The following AUTS2 variants were observed in gnomAD, a reference collection of about 807,000 sequenced individuals.
AUTS2 encodes activator of transcription and developmental regulator AUTS2.
In AUTS2, 17 loss-of-function variants were observed where a neutral mutation model predicts 112.4. That is an observed-to-expected ratio of 0.15 (90% CI 0.10 to 0.23). The LOEUF (loss-of-function observed/expected upper bound fraction) is 0.23. Among genes scored for constraint, AUTS2 ranks in the 10% least tolerant of loss-of-function variants. AUTS2 has a pLI of 1.00. For missense variants in AUTS2, 1,510 were observed against 1,701.6 expected, an observed-to-expected ratio of 0.89 and a Z score of 1.98; for synonymous variants, 751 against 702.7, an observed-to-expected ratio of 1.07 and a Z score of -1.09.
intron 1 of AUTS2, among the ~76,000 whole-genome samples, chr7:69,636,861 G>A (rs1794566387): frequency 6.6e-6 from 1 of 152,018 alleles, no homozygotes; most frequent in South Asian, 2.1e-4. Flanking sequence ...CGCCTCCCAG[G>A]TTCACGCCAT....
At chr7:70,521,213 G>C (rs139581594) in intron 5 of AUTS2, among the ~76,000 whole-genome samples, 1 of 152,290 alleles carries the variant, frequency 6.6e-6, no homozygotes, top group Non-Finnish European at 1.5e-5. Context: ...GAGGGTTCTT[G>C]TACATCCCAT....
At chr7:69,931,276 G>A (rs377351602) in intron 2 of AUTS2, among the ~76,000 whole-genome samples, 5 of 152,172 alleles carry the variant, frequency 3.3e-5, no homozygotes, top group African/African-American at 1.2e-4. Context: ...CTGATGATTT[G>A]TACTGAGTAA....
intron 2 of AUTS2, among the ~76,000 whole-genome samples, chr7:69,983,048 C>T (rs1026021898): frequency 2.0e-5 from 3 of 152,250 alleles, no homozygotes; most frequent in African/African-American, 4.8e-5. Context: ...TTTACCCTAC[C>T]GGAAACTAAT....
intron 2 of AUTS2, among the ~76,000 whole-genome samples, chr7:69,944,681 G>A (rs1287134265): frequency 2.0e-5 from 3 of 152,058 alleles, no homozygotes; most frequent in Admixed American, 6.5e-5. Flanking sequence ...TCTTTTGGTC[G>A]CTTTTTAGAC....
chr7:70,361,133 C>T (rs1055085624), intron 4 of AUTS2, among the ~76,000 whole-genome samples: 1 of 152,090 alleles, frequency 6.6e-6, no homozygotes, highest in African/African-American at 2.4e-5. Context: ...ATCATGAGGT[C>T]AGGAGATCAA....
intron 6 of AUTS2, among the ~76,000 whole-genome samples, chr7:70,709,159 C>T (rs1328637932): frequency 2.0e-5 from 3 of 151,724 alleles, no homozygotes; most frequent in Non-Finnish European, 4.4e-5. Flanking sequence ...CCTCGTGATC[C>T]GCTCACCTCG....
At chr7:69,764,081 C>T (rs1186211559) in intron 1 of AUTS2, among the ~76,000 whole-genome samples, 1 of 152,198 alleles carries the variant, frequency 6.6e-6, no homozygotes, top group African/African-American at 2.4e-5. Flanking sequence ...ATACCAAGGC[C>T]ACTTGCCCAT....
chr7:70,695,133 G>C (rs1809007874), intron 5 of AUTS2: 1 of 152,482 alleles, frequency 6.6e-6, no homozygotes, highest in Admixed American at 6.5e-5. Context: ...TGTTGCGGCG[G>C]CCGGGCCGGC....
chr7:70,004,555 A>C (rs893828762), intron 2 of AUTS2, among the ~76,000 whole-genome samples: 5 of 150,746 alleles, frequency 3.3e-5, no homozygotes, highest in Non-Finnish European at 7.4e-5. Flanking sequence ...TGCAAAATTG[A>C]TTAGCAAAGG....
chr7:70,356,916 C>T (rs921384554), intron 4 of AUTS2, among the ~76,000 whole-genome samples: 16 of 152,096 alleles, frequency 1.1e-4, no homozygotes, highest in African/African-American at 3.4e-4. Context: ...TAGAATTTCA[C>T]GAAGGTTTTC....
chr7:69,759,035 G>A (rs1354229490), intron 1 of AUTS2, among the ~76,000 whole-genome samples: 1 of 152,156 alleles, frequency 6.6e-6, no homozygotes, highest in Non-Finnish European at 1.5e-5. Flanking sequence ...GTAAGCAAGT[G>A]TTTGCTTATT....
intron 2 of AUTS2, among the ~76,000 whole-genome samples, chr7:69,930,107 A>G (rs1434345882): frequency 2.0e-5 from 3 of 152,170 alleles, no homozygotes; most frequent in Non-Finnish European, 4.4e-5. Context: ...TGAGTATTCA[A>G]TCTAATCATC....
chr7:70,720,906 G>C (rs1786609581), intron 6 of AUTS2, among the ~76,000 whole-genome samples: 1 of 152,120 alleles, frequency 6.6e-6, no homozygotes, highest in African/African-American at 2.4e-5. Context: ...GAACTGTAAA[G>C]TGAAAAGGTC....
intron 3 of AUTS2, among the ~76,000 whole-genome samples, chr7:70,126,302 G>A (rs1006468642): frequency 2.6e-5 from 4 of 152,192 alleles, no homozygotes; most frequent in African/African-American, 9.6e-5. Flanking sequence ...ACAGGTACTC[G>A]GGAGGCTGAG....
At chr7:70,206,237 C>T (rs1490198764) in intron 4 of AUTS2, among the ~76,000 whole-genome samples, 1 of 152,126 alleles carries the variant, frequency 6.6e-6, no homozygotes, top group Non-Finnish European at 1.5e-5. Context: ...CATTTTACAG[C>T]TTGAAAGTGG....
chr7:70,153,959 A>C (rs1042159095), intron 4 of AUTS2, among the ~76,000 whole-genome samples: 2 of 152,214 alleles, frequency 1.3e-5, no homozygotes, highest in East Asian at 1.9e-4. Context: ...AATGTAGGCC[A>C]CCAGATTGAA....
intron 5 of AUTS2, among the ~76,000 whole-genome samples, chr7:70,690,395 C>T (rs137903423): frequency 6.6e-6 from 1 of 152,318 alleles, no homozygotes; most frequent in African/African-American, 2.4e-5. Flanking sequence ...TTTAAAACTA[C>T]ATCATCCATA....
chr7:70,323,498 G>A (rs529680441), intron 4 of AUTS2, among the ~76,000 whole-genome samples: 3 of 152,174 alleles, frequency 2.0e-5, no homozygotes, highest in Non-Finnish European at 2.9e-5. Flanking sequence ...GTAGTTCCAG[G>A]GCAAACTGAG....
At chr7:70,281,032 A>G (rs1788189633) in intron 4 of AUTS2, among the ~76,000 whole-genome samples, 1 of 152,082 alleles carries the variant, frequency 6.6e-6, no homozygotes, top group South Asian at 2.1e-4. Flanking sequence ...TGTATCTATT[A>G]TCTGTCTCTG....
Sources: allele counts gnomAD v4.1 joint callset (sites outside exome capture counted in the v4.1 genomes callset), GRCh38; gene constraint gnomAD v4.1.1; transcripts MANE v1.5; gene names NCBI Gene and HGNC (gene_info 2026-07-23, HGNC 2026-07-21).